The following MIR17HG variants were observed in gnomAD, a reference collection of about 807,000 sequenced individuals.
MIR17HG encodes the protein MIR17 host gene (non-protein coding).
rs1875319704 is a variant in MIR17HG, at chr13:91,351,620, GTATTGCGA to G, written n.284+1398_284+1405del. 4 of 317,274 alleles carry G rather than the reference GTATTGCGA, an allele frequency of 1.3e-5. No individual in the cohort carries two copies. The Admixed American group carries it at 1.5e-4, about 12-fold the overall frequency. The allele number at this position is 317,274 out of a possible 1,614,324, so 19.7% of individuals were successfully genotyped here. On this transcript the variant is annotated intron_variant and non_coding_transcript_variant, in intron 3 of 3. Coordinates refer to ENST00000400282, the Ensembl canonical transcript of MIR17HG. ...GTTGTTAGATTTATTTGGCTGTTAAGTATTGCGATATGACTAAACATACTGTATACCTG... is the reference window on the plus strand; with the variant it reads ...GTTGTTAGATTTATTTGGCTGTTAAGTATGACTAAACATACTGTATACCTG...
chr13:91,348,171 A>AGG (rs1875060474), intron 1 of MIR17HG, among the ~76,000 whole-genome samples: 2 of 8,968 alleles, frequency 2.2e-4, no homozygotes, highest in South Asian at 5.9e-3. Flanking sequence ...GGAGGGGGGC[A>AGG]GGGCCGGGGC....
At chr13:91,349,381 CT>C (rs1216434432) in intron 1 of MIR17HG, among the ~76,000 whole-genome samples, 68 of 146,622 alleles carry the variant, frequency 4.6e-4, no homozygotes, top group South Asian at 6.5e-4. Context: ...CTGTGGGCTG[CT>C]TTTTTTTTTT....
intron 3 of MIR17HG, chr13:91,351,391 G>T: frequency 1.9e-6 from 1 of 517,792 alleles, no homozygotes; most frequent in Non-Finnish European, 4.1e-6. Context: ...GTTGAGTTTG[G>T]TGGGGATTGT....
intron 3 of MIR17HG, among the ~76,000 whole-genome samples, chr13:91,353,563 A>G (rs938616013): frequency 2.0e-5 from 3 of 152,206 alleles, no homozygotes; most frequent in African/African-American, 7.2e-5. Flanking sequence ...AAGCCATGTA[A>G]GTATTGTATA....
intron 1 of MIR17HG, among the ~76,000 whole-genome samples, chr13:91,348,595 G>T (rs1360877391): frequency 6.6e-6 from 1 of 151,078 alleles, no homozygotes; most frequent in Admixed American, 6.6e-5. Flanking sequence ...CCCGCTCCGC[G>T]TGGGCTTTGT....
At chr13:91,349,870 G>C (rs188832718) in intron 2 of MIR17HG, 1 of 152,298 alleles carries the variant, frequency 6.6e-6, no homozygotes, top group Admixed American at 6.5e-5. Flanking sequence ...GTAAAAGTAG[G>C]TGTTTCTTTC....
chr13:91,351,724 C>T lies in MIR17HG; in HGVS notation n.284+1498C>T, dbSNP rs187416224. 64 of 204,450 alleles carry T rather than the reference C, an allele frequency of 3.1e-4. No homozygotes were observed. The South Asian group carries it at 3.9e-3, about 12-fold the overall frequency. 12.7% of individuals were successfully genotyped at this position (204,450 alleles called of 1,614,324 possible). On this transcript the variant is annotated intron_variant and non_coding_transcript_variant, in intron 3 of 3. Coordinates refer to ENST00000400282, the Ensembl canonical transcript of MIR17HG. Reference sequence around the variant, plus strand: ...GTTAGTGTTATTCCAGGATATTTTACTTAATCTAAAAGTTAATTTATGTTG... The same window carrying T: ...GTTAGTGTTATTCCAGGATATTTTATTTAATCTAAAAGTTAATTTATGTTG...
chr13:91,353,908 A>G (rs1199385754), intron 3 of MIR17HG: 1 of 152,574 alleles, frequency 6.6e-6, no homozygotes, highest in Non-Finnish European at 1.5e-5. Flanking sequence ...TTTTACTGAA[A>G]ACTTTTGAGA....
chr13:91,353,694 C>T (rs1594016510), intron 3 of MIR17HG, among the ~76,000 whole-genome samples: 1 of 152,024 alleles, frequency 6.6e-6, no homozygotes, highest in South Asian at 2.1e-4. Flanking sequence ...ATGCTTTAAC[C>T]TTGAAGTTGC....
chr13:91,350,207 G>A (rs1347057299), exon 3 of MIR17HG: 1 of 176,954 alleles, frequency 5.7e-6, no homozygotes, highest in Non-Finnish European at 1.2e-5. Flanking sequence ...CCACGTGGAT[G>A]TGAAGATTTC....
chr13:91,348,226 G>C (rs1403713796), intron 1 of MIR17HG, among the ~76,000 whole-genome samples: 1 of 149,716 alleles, frequency 6.7e-6, no homozygotes, highest in East Asian at 2.0e-4. Flanking sequence ...CCGCGCCCGG[G>C]ACCCGCGCAG....
chr13:91,351,680 T>C (rs2138693487), intron 3 of MIR17HG: 1 of 229,530 alleles, frequency 4.4e-6, no homozygotes, highest in Non-Finnish European at 9.2e-6. Flanking sequence ...TTAGAGTATA[T>C]CTTTTTGCTT....
intron 3 of MIR17HG, chr13:91,350,519 A>T: frequency 1.9e-6 from 1 of 526,746 alleles, no homozygotes; most frequent in South Asian, 1.4e-5. Flanking sequence ...TAGTTGTTAG[A>T]GTTTGAGGTG....
intron 3 of MIR17HG, among the ~76,000 whole-genome samples, chr13:91,352,975 T>TTACA (rs1875399332): frequency 6.6e-6 from 1 of 151,876 alleles, no homozygotes; most frequent in African/African-American, 2.4e-5. Flanking sequence ...CCGGGTGCAG[T>TTACA]GGCGTGCACC....
intron 3 of MIR17HG, chr13:91,351,466 AT>A (rs1875310989): frequency 9.0e-6 from 4 of 442,122 alleles, no homozygotes; most frequent in South Asian, 5.1e-5. Context: ...AATGTACAAG[AT>A]ACATGAAATA....
At chr13:91,351,052 T>C (rs780939271) in intron 3 of MIR17HG, 2 of 526,078 alleles carry the variant, frequency 3.8e-6, no homozygotes, top group East Asian at 1.1e-4. Flanking sequence ...GTCTATCTGA[T>C]GTGACAGCTT....
chr13:91,348,182 G>A (rs1239826050), intron 1 of MIR17HG, among the ~76,000 whole-genome samples: 1 of 148,002 alleles, frequency 6.8e-6, no homozygotes, highest in Non-Finnish European at 1.5e-5. Context: ...GGGCCGGGGC[G>A]GGAGGGTGGG....
At chr13:91,352,375 G>T (rs1875359527) in intron 3 of MIR17HG, 1 of 152,084 alleles carries the variant, frequency 6.6e-6, no homozygotes, top group African/African-American at 2.4e-5. Context: ...GGACCAAGTG[G>T]TAAAATTGGG....
intron 3 of MIR17HG, chr13:91,351,345 CTG>C: frequency 1.9e-6 from 1 of 531,286 alleles, no homozygotes; most frequent in Non-Finnish European, 3.9e-6. Flanking sequence ...GGTTGCAATG[CTG>C]TGTTTCTGTA....
Sources: gnomAD v4.1 joint callset for allele counts (sites outside exome capture counted in the v4.1 genomes callset) on GRCh38, gnomAD v4.1.1 for gene constraint, MANE v1.5 for transcripts, NCBI Gene and HGNC (gene_info 2026-07-23, HGNC 2026-07-21) for gene names.